The following KDM4C variants were observed in gnomAD, a reference collection of about 807,000 sequenced individuals.
The protein encoded by KDM4C is lysine demethylase 4C.
A neutral mutation model predicts 129.3 loss-of-function variants in KDM4C; 81 were observed. The observed-to-expected ratio is 0.63, with a 90% CI of 0.52 to 0.75. The LOEUF is 0.75. Among genes scored for constraint, KDM4C ranks in the 30% least tolerant of loss-of-function variants. The pLI, the probability that KDM4C is intolerant of heterozygous loss-of-function variation, is 0.00. For missense variants in KDM4C, 1,457 were observed against 1,304.0 expected, an observed-to-expected ratio of 1.12 and a Z score of -1.81; for synonymous variants, 573 against 456.1, an observed-to-expected ratio of 1.26 and a Z score of -3.26.
chr9:6,939,839 T>G (rs1297157952), intron 8 of KDM4C, among the ~76,000 whole-genome samples: 3 of 152,246 alleles, frequency 2.0e-5, no homozygotes, highest in Non-Finnish European at 2.9e-5. Context: ...TTATTTATAT[T>G]GAATTACTCT....
intron 1 of KDM4C, among the ~76,000 whole-genome samples, chr9:6,775,552 C>A (rs935605988): frequency 6.6e-6 from 1 of 151,396 alleles, no homozygotes. Flanking sequence ...GATGGAGTTT[C>A]GTTCTTATTG....
chr9:7,165,423 T>C (rs1443786810), intron 20 of KDM4C, 66 bp downstream of exon 20: 1 of 1,543,884 alleles, frequency 6.5e-7, no homozygotes, highest in Non-Finnish European at 8.8e-7. Context: ...AGATAGTATC[T>C]CAAGTGTGCT....
intron 1 of KDM4C, among the ~76,000 whole-genome samples, chr9:6,790,500 C>G (rs924106097): frequency 2.6e-5 from 4 of 151,074 alleles, no homozygotes; most frequent in Non-Finnish European, 5.9e-5. Flanking sequence ...CTGATCCGCC[C>G]GCCTCGGCCT....
chr9:7,079,598 A>C (rs1834301813), intron 17 of KDM4C, among the ~76,000 whole-genome samples: 1 of 152,240 alleles, frequency 6.6e-6, no homozygotes, highest in Non-Finnish European at 1.5e-5. Context: ...CTGGGATTAG[A>C]GGCGTGAGCC....
At chr9:6,960,118 G>A (rs922997790) in intron 8 of KDM4C, among the ~76,000 whole-genome samples, 17 of 151,824 alleles carry the variant, frequency 1.1e-4, no homozygotes, top group African/African-American at 4.1e-4. Context: ...AAGTCACAAT[G>A]GAGAAAAAGC....
At chr9:6,790,958 A>G (rs957381238) in intron 1 of KDM4C, among the ~76,000 whole-genome samples, 7 of 152,148 alleles carry the variant, frequency 4.6e-5, no homozygotes, top group African/African-American at 1.7e-4. Context: ...TTTCCTTTCT[A>G]TGCTCCAGAC....
intron 17 of KDM4C, among the ~76,000 whole-genome samples, chr9:7,057,740 G>A (rs532338163): frequency 6.6e-6 from 1 of 152,260 alleles, no homozygotes; most frequent in East Asian, 1.9e-4. Context: ...TGTTAAACTG[G>A]CGTGTTCTGT....
intron 17 of KDM4C, among the ~76,000 whole-genome samples, chr9:7,053,824 G>A (rs1376283323): frequency 6.6e-6 from 1 of 152,096 alleles, no homozygotes; most frequent in Admixed American, 6.5e-5. Context: ...CAAAACTACC[G>A]GGTTATTAAG....
chr9:6,728,502 C>G (rs963079763), intron 1 of KDM4C, among the ~76,000 whole-genome samples: 2 of 151,662 alleles, frequency 1.3e-5, no homozygotes, highest in Non-Finnish European at 1.5e-5. Flanking sequence ...CCACTGCACT[C>G]CAGCCCGGGC....
chr9:7,004,729 C>T (rs1402990084), intron 12 of KDM4C, among the ~76,000 whole-genome samples: 1 of 152,058 alleles, frequency 6.6e-6, no homozygotes, highest in Admixed American at 6.6e-5. Flanking sequence ...AAGGCTAAAC[C>T]TTTTGATGGA....
At chr9:6,942,282 A>AGCGTGTGT (rs1554657643) in intron 8 of KDM4C, among the ~76,000 whole-genome samples, 1 of 142,624 alleles carries the variant, frequency 7.0e-6, no homozygotes, top group East Asian at 2.1e-4. Flanking sequence ...TAGCCCTCAA[A>AGCGTGTGT]GTGTGTGTGT....
At chr9:6,792,349 A>T (rs1026476219) in intron 1 of KDM4C, among the ~76,000 whole-genome samples, 21 of 148,790 alleles carry the variant, frequency 1.4e-4, no homozygotes, top group African/African-American at 5.0e-4. Context: ...TCAAAAAAAA[A>T]ATTTTTATTT....
At chr9:7,109,297 C>A (rs1484604928) in intron 18 of KDM4C, among the ~76,000 whole-genome samples, 2 of 152,104 alleles carry the variant, frequency 1.3e-5, no homozygotes, top group Non-Finnish European at 2.9e-5. Context: ...TGAAGATGCC[C>A]TAGTTCTTAA....
intron 8 of KDM4C, among the ~76,000 whole-genome samples, chr9:6,910,147 A>G (rs1482693186): frequency 6.6e-6 from 1 of 152,190 alleles, no homozygotes; most frequent in Non-Finnish European, 1.5e-5. Flanking sequence ...GGTATGCTGC[A>G]TGGTTTTTAC....
intron 8 of KDM4C, among the ~76,000 whole-genome samples, chr9:6,901,333 AGGTGACACACAGT>A (rs1381243153): frequency 6.6e-6 from 1 of 152,150 alleles, no homozygotes; most frequent in Non-Finnish European, 1.5e-5. Flanking sequence ...GGTTCTGCTG[AGGTGACACACAGT>A]GGTTTATCTC....
intron 19 of KDM4C, among the ~76,000 whole-genome samples, chr9:7,140,463 GT>G (rs2129854701): frequency 6.6e-6 from 1 of 152,330 alleles, no homozygotes; most frequent in Admixed American, 6.5e-5. Flanking sequence ...AATAGTATGT[GT>G]GGTGCTCAAG....
intron 1 of KDM4C, among the ~76,000 whole-genome samples, chr9:6,781,238 A>C (rs1824275295): frequency 6.6e-6 from 1 of 152,182 alleles, no homozygotes. Flanking sequence ...CATTATTTGC[A>C]GTAGTTATGT....
At chr9:6,791,680 GAACTGGTATATAGAAGC>G in intron 1 of KDM4C, among the ~76,000 whole-genome samples, 1 of 152,310 alleles carries the variant, frequency 6.6e-6, no homozygotes, top group East Asian at 1.9e-4. Context: ...GTCTGTTTCA[GAACTGGTATATAGAAGC>G]AACATCTTTT....
intron 1 of KDM4C, among the ~76,000 whole-genome samples, chr9:6,730,450 C>A (rs1292733904): frequency 6.6e-6 from 1 of 151,684 alleles, no homozygotes; most frequent in East Asian, 1.9e-4. Flanking sequence ...CCCATCTCTA[C>A]TAAAAATACA....
Sources: gnomAD v4.1 joint callset for allele counts (sites outside exome capture counted in the v4.1 genomes callset) on GRCh38, gnomAD v4.1.1 for gene constraint, MANE v1.5 for transcripts, NCBI Gene and HGNC (gene_info 2026-07-23, HGNC 2026-07-21) for gene names.